Variants in SCEL observed in about 807,000 individuals in gnomAD.
SCEL encodes the protein sciellin.
Under a neutral mutation model 117.6 loss-of-function variants are expected in SCEL, and 113 were observed. The observed-to-expected ratio is 0.96, with a 90% CI of 0.83 to 1.12. The LOEUF is 1.12. Ranked by LOEUF, SCEL falls within the 50% of genes most tolerant of loss-of-function variation. SCEL has a pLI of 0.00. For missense variants in SCEL, 785 were observed against 810.8 expected (o/e 0.97, Z 0.39); for synonymous variants, 270 against 256.2 (o/e 1.05, Z -0.51).
chr13:77,608,244 TG>T (rs2088373412), intron 20 of SCEL, 129 bp downstream of exon 20: 1 of 627,446 alleles, frequency 1.6e-6, no homozygotes, highest in African/African-American at 1.9e-5. Context: ...ACCAGCTTGG[TG>T]TCTTTGAACA....
At chr13:77,589,248 T>G (rs2086733318) in intron 10 of SCEL, 24 bp downstream of exon 10, 2 of 1,545,648 alleles carry the variant, frequency 1.3e-6, no homozygotes, top group East Asian at 2.3e-5. Flanking sequence ...CTCCAGAATT[T>G]CTTGACAAAA....
chr13:77,549,036 C>T (rs558757859), intron 1 of SCEL, among the ~76,000 whole-genome samples: 7 of 152,232 alleles, frequency 4.6e-5, no homozygotes, highest in African/African-American at 1.7e-4. Flanking sequence ...ATGCAGGTAT[C>T]CCTTTAATAT....
At position 77,644,353 on chromosome 13, in the gene SCEL, C is replaced by A; in HGVS notation, c.*79C>A. 7.1e-7 allele frequency: 1 copy of A among 1,400,760 alleles called. No individual in the cohort carries two copies. The highest frequency in any genetic ancestry group is 1.2e-5 in the South Asian group (1 of 81,904). 86.8% of individuals were successfully genotyped at this position (1,400,760 alleles called of 1,614,324 possible). A position where few individuals can be genotyped will look rare whatever the true frequency, so the allele number is the denominator to read the frequency against. ...AAGTTTTATCTTAATAATATGTAAT[C>A]TAGAAAAGCTTTCACATTGAAGATC... On this transcript the variant is annotated 3_prime_UTR_variant, in exon 33 of 33. Coordinates refer to ENST00000349847, the MANE Select transcript of SCEL (RefSeq NM_144777.3).
intron 23 of SCEL, 57 bp from the exon 24 acceptor site, chr13:77,613,836 A>G (rs2088842043): frequency 3.5e-6 from 5 of 1,426,666 alleles, no homozygotes; most frequent in Non-Finnish European, 4.9e-6. Flanking sequence ...TGCACCTGTC[A>G]AAACAAAAAA....
chr13:77,643,459 A>G (rs2090656033), intron 32 of SCEL, among the ~76,000 whole-genome samples: 1 of 152,154 alleles, frequency 6.6e-6, no homozygotes, highest in Admixed American at 6.6e-5. Context: ...GTCCTGTGAA[A>G]CTTGACTGGT....
At chr13:77,597,434 A>G (rs906817195) in intron 12 of SCEL, 111 bp from the exon 13 acceptor site, 14 of 612,894 alleles carry the variant, frequency 2.3e-5, no homozygotes, top group Non-Finnish European at 3.7e-5. Context: ...TTCGCAGATG[A>G]TAAAAGTGGG....
At chr13:77,607,643 G>C (rs2088312238) in intron 19 of SCEL, among the ~76,000 whole-genome samples, 1 of 152,146 alleles carries the variant, frequency 6.6e-6, no homozygotes, top group Non-Finnish European at 1.5e-5. Flanking sequence ...CTCCAAAGCT[G>C]GTTTTAAAGT....
chr13:77,621,537 A>G (rs900298677), intron 27 of SCEL, among the ~76,000 whole-genome samples: 1 of 152,190 alleles, frequency 6.6e-6, no homozygotes, highest in Admixed American at 6.5e-5. Context: ...TTTCTGGCCC[A>G]TAACATTGGT....
At chr13:77,610,006 G>A (rs775236581) in intron 21 of SCEL, 41 bp from the exon 22 acceptor site, 11 of 1,368,690 alleles carry the variant, frequency 8.0e-6, no homozygotes, top group South Asian at 2.5e-5. Context: ...GAAACCATTC[G>A]ATTTAAATCT....
intron 32 of SCEL, 54 bp downstream of exon 32, chr13:77,642,862 G>A: frequency 3.3e-6 from 3 of 904,376 alleles, no homozygotes; most frequent in East Asian, 5.2e-5. Flanking sequence ...ATGAGCATTT[G>A]GTATCATTTA....
At chr13:77,609,950 A>G (rs2088514965) in intron 21 of SCEL, 97 bp from the exon 22 acceptor site, 1 of 630,684 alleles carries the variant, frequency 1.6e-6, no homozygotes. Context: ...TATTATTTTA[A>G]TAAATATTTT....
At chr13:77,571,065 C>T (rs901880046) in intron 8 of SCEL, among the ~76,000 whole-genome samples, 3 of 151,120 alleles carry the variant, frequency 2.0e-5, no homozygotes, top group African/African-American at 4.8e-5. Context: ...CTCCTGACCT[C>T]GTGATCCACC....
intron 2 of SCEL, 45 bp downstream of exon 2, chr13:77,555,963 T>G (rs1306408639): frequency 6.7e-7 from 1 of 1,493,998 alleles, no homozygotes; most frequent in Admixed American, 1.7e-5. Context: ...TTTAAAATTT[T>G]GGAAAAACAA....
At chr13:77,585,391 C>T (rs972703459) in intron 9 of SCEL, among the ~76,000 whole-genome samples, 10 of 152,050 alleles carry the variant, frequency 6.6e-5, no homozygotes, top group Non-Finnish European at 1.5e-4. Context: ...TGCTCCACAG[C>T]GGGGAGAGAA....
At chr13:77,616,537 A>G (rs2089057457) in intron 24 of SCEL, among the ~76,000 whole-genome samples, 1 of 152,024 alleles carries the variant, frequency 6.6e-6, no homozygotes, top group Non-Finnish European at 1.5e-5. Flanking sequence ...ATTATCATAG[A>G]AGAAAGCTCA....
intron 9 of SCEL, among the ~76,000 whole-genome samples, chr13:77,573,784 T>C (rs2085785073): frequency 6.6e-6 from 1 of 152,198 alleles, no homozygotes; most frequent in South Asian, 2.1e-4. Flanking sequence ...GAATCACATT[T>C]ACCTACTGCT....
chr13:77,634,679 A>G (rs2090189917), intron 29 of SCEL, among the ~76,000 whole-genome samples: 1 of 152,230 alleles, frequency 6.6e-6, no homozygotes, highest in Non-Finnish European at 1.5e-5. Context: ...TTAGTATAAC[A>G]CATGTATACA....
intron 9 of SCEL, among the ~76,000 whole-genome samples, chr13:77,585,455 G>T (rs2086507705): frequency 6.6e-6 from 1 of 152,074 alleles, no homozygotes; most frequent in Non-Finnish European, 1.5e-5. Flanking sequence ...CAGCCCTGGG[G>T]TCATGTGGGG....
chr13:77,570,358 G>C (rs2085526097), intron 8 of SCEL, among the ~76,000 whole-genome samples: 1 of 152,150 alleles, frequency 6.6e-6, no homozygotes, highest in Non-Finnish European at 1.5e-5. Flanking sequence ...AGATTCCTAA[G>C]TTTGAAAGAG....
Sources: gnomAD v4.1 joint callset for allele counts (sites outside exome capture counted in the v4.1 genomes callset) on GRCh38, gnomAD v4.1.1 for gene constraint, MANE v1.5 for transcripts, NCBI Gene and HGNC (gene_info 2026-07-23, HGNC 2026-07-21) for gene names.